FAXC: variants seen among roughly 807,000 people sequenced by gnomAD.
FAXC encodes the protein failed axon connections homolog.
Under a neutral mutation model 41.9 loss-of-function variants are expected in FAXC, and 10 were observed. The observed-to-expected ratio is 0.24, with a 90% CI of 0.15 to 0.41. The LOEUF is 0.41. Among genes scored for constraint, FAXC ranks in the 10% least tolerant of loss-of-function variants. FAXC has a pLI of 1.00. For missense variants in FAXC, 399 were observed against 510.9 expected, an observed-to-expected ratio of 0.78 and a Z score of 2.11; for synonymous variants, 183 against 183.8, an observed-to-expected ratio of 1.00 and a Z score of 0.03.
intron 5 of FAXC, among the ~76,000 whole-genome samples, chr6:99,281,951 G>A (rs1770856638): frequency 6.6e-6 from 1 of 152,176 alleles, no homozygotes; most frequent in African/African-American, 2.4e-5. Context: ...AACGGGGAAG[G>A]TAAACATTAA....
At chr6:99,324,662 G>C (rs879823123) in intron 3 of FAXC, among the ~76,000 whole-genome samples, 3 of 152,120 alleles carry the variant, frequency 2.0e-5, no homozygotes, top group Non-Finnish European at 4.4e-5. Context: ...ACCGTACCCA[G>C]GTCTTTGCTG....
At chr6:99,326,328 T>C (rs1326122435) in intron 3 of FAXC, among the ~76,000 whole-genome samples, 4 of 152,072 alleles carry the variant, frequency 2.6e-5, no homozygotes, top group East Asian at 1.9e-4. Context: ...AGGAGAAACA[T>C]TGCAATAGAA....
chr6:99,277,044 C>G lies in FAXC; in HGVS notation c.*4120G>C, dbSNP rs1020848878. 1.3e-5 allele frequency: 2 copies of G among 152,208 alleles called. No homozygotes were observed. Among genetic ancestry groups the G allele is most frequent in the African/African-American group, 4.8e-5 (2 of 41,420 alleles). 9.4% of individuals were successfully genotyped at this position (152,208 alleles called of 1,614,324 possible). A position where few individuals can be genotyped will look rare whatever the true frequency, so the allele number is the denominator to read the frequency against. The stretch of plus-strand genomic sequence containing the variant: ...CTTGAGAGATGGGCATGACTTGGGC[C>G]AGTGGAGCAGAGAATAGAACATTTC... On this transcript the variant is annotated 3_prime_UTR_variant, in exon 6 of 6. Coordinates refer to ENST00000389677, the MANE Select transcript of FAXC (RefSeq NM_032511.4).
At chr6:99,313,759 G>A (rs1479397675) in intron 4 of FAXC, among the ~76,000 whole-genome samples, 2 of 152,144 alleles carry the variant, frequency 1.3e-5, no homozygotes, top group Non-Finnish European at 2.9e-5. Context: ...TTGAACTTAT[G>A]TTGTTCCAAA....
intron 3 of FAXC, among the ~76,000 whole-genome samples, chr6:99,325,039 G>A (rs551731074): frequency 7.9e-5 from 12 of 151,464 alleles, no homozygotes; most frequent in African/African-American, 2.7e-4. Context: ...TAAAAACTCA[G>A]AAATAAAAAG....
chr6:99,286,686 C>A (rs1771040909), intron 5 of FAXC, among the ~76,000 whole-genome samples: 2 of 152,212 alleles, frequency 1.3e-5, no homozygotes, highest in South Asian at 4.1e-4. Flanking sequence ...TTTCACTTTT[C>A]TCAGCTTTCT....
Position 99,323,559 on chromosome 6 carries a change from G to A in FAXC, c.708C>T (p.His236=). 1.2e-6 allele frequency: 2 copies of A among 1,614,196 alleles called. No individual in the cohort carries two copies. Among genetic ancestry groups the A allele is most frequent in the South Asian group, 2.2e-5 (2 of 91,080 alleles). Residue 236 remains histidine, a synonymous_variant, in exon 4 of 6, where the codon CAC becomes CAT. Coordinates refer to ENST00000389677, the MANE Select transcript of FAXC (RefSeq NM_032511.4). ...FSNLLRWVVC[H]ITKGIVKREM... ...CGCGTTTCACAATTCCTTTCGTTAT[G>A]TGGCACACAACCCACCTCAGCAGGT... is the stretch of plus-strand genomic sequence containing the variant.
At chr6:99,343,637 A>G (rs1414391818) in intron 1 of FAXC, among the ~76,000 whole-genome samples, 2 of 152,214 alleles carry the variant, frequency 1.3e-5, no homozygotes, top group Non-Finnish European at 2.9e-5. Context: ...TTTGGCCATT[A>G]GACTATACCA....
chr6:99,272,891 T>C lies in FAXC; in HGVS notation c.*8273A>G, dbSNP rs1490202920. 1 of 152,186 alleles carries C rather than the reference T, an allele frequency of 6.6e-6. No homozygotes were observed. The highest frequency in any genetic ancestry group is 1.9e-4 in the East Asian group (1 of 5,200). The allele number at this position is 152,186 out of a possible 1,614,324, so 9.4% of individuals were successfully genotyped here. ...TTCAAATTTGCAAAAGAGAAGTAAA[T>C]TGGAAGAAAGACATTCACAGAAAAC... On this transcript the variant is annotated 3_prime_UTR_variant, in exon 6 of 6. Coordinates refer to ENST00000389677, the MANE Select transcript of FAXC (RefSeq NM_032511.4).
chr6:99,296,428 T>C (rs907503269), intron 4 of FAXC, among the ~76,000 whole-genome samples: 2 of 152,098 alleles, frequency 1.3e-5, no homozygotes, highest in Non-Finnish European at 2.9e-5. Flanking sequence ...CTGAGGGATA[T>C]GTGGGCACCT....
chr6:99,345,851 C>T (rs182339568), intron 1 of FAXC, among the ~76,000 whole-genome samples: 429 of 152,298 alleles, frequency 2.8e-3, no homozygotes, highest in Non-Finnish European at 4.9e-3. Context: ...CAAGCTATCT[C>T]CACTCAGGGA....
chr6:99,294,405 G>C (rs1021616719), intron 4 of FAXC, among the ~76,000 whole-genome samples: 5 of 152,220 alleles, frequency 3.3e-5, no homozygotes, highest in African/African-American at 1.2e-4. Context: ...AGGGCAGGAG[G>C]GGGTGTTGGC....
chr6:99,309,812 A>G, intron 4 of FAXC: 2 of 644,228 alleles, frequency 3.1e-6, no homozygotes, highest in Non-Finnish European at 3.9e-6. Flanking sequence ...TCCGGTATGA[A>G]CTTGTAAGAG....
intron 2 of FAXC, chr6:99,334,691 A>T (rs1773151240): frequency 1.7e-6 from 1 of 571,518 alleles, no homozygotes; most frequent in South Asian, 7.7e-5. Context: ...TCATTCTCAG[A>T]TGCAATCTAT....
At chr6:99,302,820 T>A (rs1771765653) in intron 4 of FAXC, among the ~76,000 whole-genome samples, 1 of 152,058 alleles carries the variant, frequency 6.6e-6, no homozygotes, top group Non-Finnish European at 1.5e-5. Context: ...CAGAGCTACA[T>A]TCAAAAGTGA....
rs1272587533 is a variant in FAXC, at chr6:99,323,597, C to T, written c.670G>A (p.Gly224Ser). 6.2e-7 allele frequency: 1 copy of T among 1,614,088 alleles called. No homozygotes were observed. Among genetic ancestry groups the T allele is most frequent in the Non-Finnish European group, 8.5e-7 (1 of 1,180,040 alleles). ...TRKMLSLSGG[G>S]PFSNLLRWVV... ...CACCTCAGCAGGTTGCTGAAGGGACCACCACCACTAAGAGAGAGCATCTTC... is the reference window on the plus strand; with the variant it reads ...CACCTCAGCAGGTTGCTGAAGGGACTACCACCACTAAGAGAGAGCATCTTC... The change falls in exon 4 of 6, where the codon GGT becomes AGT. Residue 224 changes from glycine to serine, a missense_variant. Around this residue, in one of 3 missense-constraint regions of FAXC, gnomAD observed 239 missense variants for 352.7 expected, o/e 0.68. Transcript: ENST00000389677.
At chr6:99,318,767 A>G (rs949205228) in intron 4 of FAXC, among the ~76,000 whole-genome samples, 25 of 152,150 alleles carry the variant, frequency 1.6e-4, no homozygotes, top group Admixed American at 3.3e-4. Context: ...TCATTTTGCA[A>G]ATGAACAACT....
intron 4 of FAXC, among the ~76,000 whole-genome samples, chr6:99,321,708 T>C (rs971673417): frequency 6.6e-6 from 1 of 152,242 alleles, no homozygotes; most frequent in Admixed American, 6.5e-5. Context: ...TCCTGAAAAC[T>C]GGGGAGAAAG....
chr6:99,336,956 G>T (rs538726843), intron 2 of FAXC, among the ~76,000 whole-genome samples: 2 of 152,098 alleles, frequency 1.3e-5, no homozygotes, highest in Non-Finnish European at 2.9e-5. Flanking sequence ...TCTTCCACTG[G>T]CTAAATTTGA....
Sources: allele counts gnomAD v4.1 joint callset (sites outside exome capture counted in the v4.1 genomes callset), GRCh38; gene constraint gnomAD v4.1.1; regional missense constraint gnomAD v4.1.1; transcripts MANE v1.5; gene names NCBI Gene and HGNC (gene_info 2026-07-23, HGNC 2026-07-21).